Variants in ICA1 observed in about 807,000 individuals in gnomAD.
The protein encoded by ICA1 is islet cell autoantigen 1.
A neutral mutation model predicts 71.0 loss-of-function variants in ICA1; 40 were observed. The ratio of observed to expected loss-of-function variants is 0.56; its 90% CI spans 0.44 to 0.73. The LOEUF (loss-of-function observed/expected upper bound fraction) is 0.73. Ranked by LOEUF, ICA1 falls within the 30% of genes least tolerant of loss-of-function variation. ICA1 has a pLI of 0.00. For missense variants in ICA1, 578 were observed against 576.5 expected (o/e 1.00, Z -0.03); for synonymous variants, 207 against 209.5 (o/e 0.99, Z 0.10).
At chr7:8,235,517 T>C (rs966803806) in intron 2 of ICA1, among the ~76,000 whole-genome samples, 54 of 152,222 alleles carry the variant, frequency 3.5e-4, no homozygotes, top group African/African-American at 1.3e-3. Context: ...TGTGTGGTTG[T>C]AGAATCATTC....
chr7:8,126,440 A>C (rs3823838), intron 13 of ICA1, among the ~76,000 whole-genome samples: 51,175 of 151,896 alleles, frequency 0.34, 8,839 homozygotes, highest in African/African-American at 0.38. Flanking sequence ...TTTGGATTTC[A>C]TTTATCCCTG....
At chr7:8,149,032 A>C (rs957372847) in intron 8 of ICA1, among the ~76,000 whole-genome samples, 5 of 152,184 alleles carry the variant, frequency 3.3e-5, no homozygotes, top group African/African-American at 4.8e-5. Context: ...GAAGTGCTTA[A>C]CCCTATAGAA....
intron 5 of ICA1, 68 bp from the exon 6 acceptor site, chr7:8,218,571 G>A: frequency 7.8e-7 from 1 of 1,278,554 alleles, no homozygotes; most frequent in East Asian, 2.3e-5. Context: ...TTGACATTCT[G>A]CCAATCTTAG....
chr7:8,150,691 A>C (rs1389632897), intron 8 of ICA1, among the ~76,000 whole-genome samples: 6 of 152,388 alleles, frequency 3.9e-5, no homozygotes, highest in African/African-American at 1.4e-4. Context: ...AAACTCTAAA[A>C]GAAGAGCCAT....
intron 6 of ICA1, among the ~76,000 whole-genome samples, chr7:8,166,142 AAAC>A (rs1205955572): frequency 2.0e-5 from 3 of 152,232 alleles, no homozygotes; most frequent in African/African-American, 7.2e-5. Flanking sequence ...ACAGTAACCA[AAAC>A]AGCATATTGG....
chr7:8,140,410 A>T (rs1383693881), intron 10 of ICA1, among the ~76,000 whole-genome samples: 1 of 152,102 alleles, frequency 6.6e-6, no homozygotes, highest in Non-Finnish European at 1.5e-5. Flanking sequence ...TTCTGCTTTG[A>T]CAAGTCTTGC....
intron 13 of ICA1, 54 bp downstream of exon 13, chr7:8,127,819 A>C: frequency 6.6e-7 from 1 of 1,520,810 alleles, no homozygotes; most frequent in African/African-American, 1.4e-5. Flanking sequence ...TTTGGATTGA[A>C]AACAAAAAGA....
intron 1 of ICA1, among the ~76,000 whole-genome samples, chr7:8,260,788 G>C (rs1812040823): frequency 2.0e-5 from 3 of 152,318 alleles, no homozygotes; most frequent in African/African-American, 2.4e-5. Flanking sequence ...CATTTTTAGA[G>C]AGTGTGTGTT....
At chr7:8,220,048 C>T (rs1796575173) in intron 5 of ICA1, among the ~76,000 whole-genome samples, 1 of 151,888 alleles carries the variant, frequency 6.6e-6, no homozygotes, top group African/African-American at 2.4e-5. Flanking sequence ...ATTTTAGTTG[C>T]TTTTTAATTT....
intron 4 of ICA1, among the ~76,000 whole-genome samples, chr7:8,224,420 C>A (rs964215351): frequency 6.6e-6 from 1 of 151,638 alleles, no homozygotes; most frequent in African/African-American, 2.4e-5. Context: ...TTATTGGAGG[C>A]TTTTAAAAGT....
At chr7:8,241,805 A>G (rs1804002550) in intron 1 of ICA1, among the ~76,000 whole-genome samples, 1 of 152,156 alleles carries the variant, frequency 6.6e-6, no homozygotes, top group African/African-American at 2.4e-5. Flanking sequence ...AACAAAGATC[A>G]AAAGAGACAA....
chr7:8,152,665 C>CAATTATCTCCTTCAT (rs1799492440), intron 8 of ICA1, among the ~76,000 whole-genome samples: 4 of 148,380 alleles, frequency 2.7e-5, no homozygotes, highest in Admixed American at 6.7e-5. Context: ...ACCACCACCA[C>CAATTATCTCCTTCAT]CACCATTATC....
chr7:8,221,653 A>G (rs1374229149), intron 4 of ICA1, among the ~76,000 whole-genome samples: 1 of 152,200 alleles, frequency 6.6e-6, no homozygotes, highest in Non-Finnish European at 1.5e-5. Flanking sequence ...AATCAGAACT[A>G]GAAAATGACC....
intron 6 of ICA1, among the ~76,000 whole-genome samples, chr7:8,168,910 A>G (rs1807181325): frequency 6.6e-6 from 1 of 152,068 alleles, no homozygotes; most frequent in Non-Finnish European, 1.5e-5. Context: ...CAGATGTGCA[A>G]TTCTATGAAT....
chr7:8,118,675 T>C, intron 13 of ICA1, among the ~76,000 whole-genome samples: 1 of 152,194 alleles, frequency 6.6e-6, no homozygotes. Context: ...CAAATAATGC[T>C]GATCATAGAA....
chr7:8,199,086 G>A lies in ICA1; in HGVS notation c.579+19219C>T, dbSNP rs188815778. 2.0e-5 allele frequency among the ~76,000 whole-genome samples: 3 copies of A among 152,156 alleles called. No individual in the cohort carries two copies. The East Asian group carries it at 5.8e-4, about 29-fold the overall frequency. ...TAAAATGGCCTTTATCCAAAAGACA[G>A]GCAATAACAAATTCTGGCAAGGATG... is the stretch of plus-strand genomic sequence containing the variant. On this transcript the variant is annotated intron_variant, in intron 6 of 13. Coordinates refer to ENST00000402384, the MANE Select transcript of ICA1 (RefSeq NM_001136020.3).
intron 6 of ICA1, among the ~76,000 whole-genome samples, chr7:8,178,573 T>G (rs960003496): frequency 1.3e-5 from 2 of 150,644 alleles, no homozygotes; most frequent in African/African-American, 4.9e-5. Context: ...CTTGGTGTGG[T>G]CTTTTTTTTT....
chr7:8,133,696 T>C (rs1792300967), intron 12 of ICA1, among the ~76,000 whole-genome samples: 1 of 152,220 alleles, frequency 6.6e-6, no homozygotes, highest in South Asian at 2.1e-4. Flanking sequence ...ATTCAGGATG[T>C]CTGCAGTCAA....
chr7:8,259,065 C>G (rs1346573410), intron 1 of ICA1, among the ~76,000 whole-genome samples: 2 of 152,220 alleles, frequency 1.3e-5, no homozygotes, highest in African/African-American at 2.4e-5. Flanking sequence ...TGTTGCTTAA[C>G]AGCAGATGAA....
Sources: gnomAD v4.1 joint callset for allele counts (sites outside exome capture counted in the v4.1 genomes callset) on GRCh38, gnomAD v4.1.1 for gene constraint, MANE v1.5 for transcripts, NCBI Gene and HGNC (gene_info 2026-07-23, HGNC 2026-07-21) for gene names.